Variants in RIMS1 observed in about 807,000 individuals in gnomAD.
RIMS1 encodes regulating synaptic membrane exocytosis 1, also known as regulating synaptic membrane exocytosis protein 1.
Under a neutral mutation model 214.1 loss-of-function variants are expected in RIMS1, and 83 were observed. The ratio of observed to expected loss-of-function variants is 0.39; its 90% CI spans 0.32 to 0.47. The LOEUF is 0.47. Among genes scored for constraint, RIMS1 ranks in the 20% least tolerant of loss-of-function variants. The probability of loss-of-function intolerance (pLI) is 0.99; values close to 1 mark genes in which losing one functional copy is unlikely to be tolerated. For missense variants in RIMS1, 2,050 were observed against 2,161.8 expected, an observed-to-expected ratio of 0.95 and a Z score of 1.03; for synonymous variants, 793 against 786.8, an observed-to-expected ratio of 1.01 and a Z score of -0.13.
intron 2 of RIMS1, among the ~76,000 whole-genome samples, chr6:72,074,240 G>A (rs1009185): frequency 0.012 from 1,765 of 152,208 alleles, 11 homozygotes; most frequent in Non-Finnish European, 0.018. Flanking sequence ...TACCCACAAA[G>A]CAACATTCAT....
At chr6:72,252,197 A>T (rs1215153802) in intron 15 of RIMS1, among the ~76,000 whole-genome samples, 2 of 152,218 alleles carry the variant, frequency 1.3e-5, no homozygotes, top group African/African-American at 4.8e-5. Flanking sequence ...GTAATCTGGA[A>T]CTAAATTATT....
chr6:72,108,526 T>A (rs920970175), intron 4 of RIMS1, among the ~76,000 whole-genome samples: 4 of 152,154 alleles, frequency 2.6e-5, no homozygotes, highest in South Asian at 2.1e-4. Context: ...CCTTATTTTT[T>A]ATTTAAACTT....
chr6:72,134,255 G>GA (rs916115039), intron 4 of RIMS1, among the ~76,000 whole-genome samples: 1 of 151,686 alleles, frequency 6.6e-6, no homozygotes, highest in African/African-American at 2.4e-5. Context: ...CCTTCATACA[G>GA]AAAAAATACA....
intron 4 of RIMS1, among the ~76,000 whole-genome samples, chr6:72,166,245 G>C (rs138177798): frequency 1.7e-4 from 26 of 150,678 alleles, no homozygotes; most frequent in Admixed American, 1.7e-3. Flanking sequence ...GTGAGAGAGA[G>C]AGAGACAGAG....
intron 29 of RIMS1, among the ~76,000 whole-genome samples, chr6:72,375,219 T>G (rs1564651416): frequency 6.6e-6 from 1 of 152,208 alleles, no homozygotes; most frequent in East Asian, 1.9e-4. Context: ...CTCACTCTCA[T>G]GAGCTCTTTG....
At chr6:72,157,311 G>A (rs1287241168) in intron 4 of RIMS1, among the ~76,000 whole-genome samples, 1 of 140,518 alleles carries the variant, frequency 7.1e-6, no homozygotes, top group East Asian at 2.0e-4. Context: ...ATATGTGTCA[G>A]TGAGATCAAA....
intron 2 of RIMS1, among the ~76,000 whole-genome samples, chr6:72,094,171 T>C (rs992224154): frequency 6.6e-6 from 1 of 152,178 alleles, no homozygotes; most frequent in African/African-American, 2.4e-5. Context: ...AAATTTTCCA[T>C]TCAGCAAATA....
chr6:72,102,076 A>G (rs918166516), intron 4 of RIMS1, among the ~76,000 whole-genome samples: 2 of 151,926 alleles, frequency 1.3e-5, no homozygotes, highest in Non-Finnish European at 2.9e-5. Flanking sequence ...GCCAGTTTAA[A>G]TTACTTTTAT....
intron 28 of RIMS1, chr6:72,317,011 T>G: frequency 2.2e-6 from 1 of 448,470 alleles, no homozygotes; most frequent in Non-Finnish European, 4.4e-6. Flanking sequence ...AGCCTCCCCC[T>G]CCATTCTTAT....
intron 4 of RIMS1, among the ~76,000 whole-genome samples, chr6:72,125,546 C>A (rs373374272): frequency 1.3e-5 from 2 of 152,222 alleles, no homozygotes; most frequent in African/African-American, 4.8e-5. Flanking sequence ...TTTAAGTCTG[C>A]AGAAGTTTCT....
intron 2 of RIMS1, among the ~76,000 whole-genome samples, chr6:71,972,757 C>T (rs1417315905): frequency 6.6e-6 from 1 of 152,058 alleles, no homozygotes. Context: ...AGAGTTTCTT[C>T]TCAAGTTGGG....
At chr6:72,018,555 T>C (rs1328080188) in intron 2 of RIMS1, among the ~76,000 whole-genome samples, 1 of 152,170 alleles carries the variant, frequency 6.6e-6, no homozygotes, top group Non-Finnish European at 1.5e-5. Context: ...TGGATAAATA[T>C]ACTGAGAGTT....
At chr6:72,213,070 T>C in intron 6 of RIMS1, 1 of 1,535,530 alleles carries the variant, frequency 6.5e-7, no homozygotes, top group South Asian at 1.2e-5. Context: ...GAGAGTGGTT[T>C]AAACAGCAAG....
intron 22 of RIMS1, among the ~76,000 whole-genome samples, chr6:72,271,269 G>GGA (rs1230678425): frequency 1.7e-4 from 9 of 52,788 alleles, no homozygotes; most frequent in African/African-American, 5.0e-4. Flanking sequence ...CCATCTCAAG[G>GGA]AAAAAAAAAA....
chr6:72,096,572 T>G (rs368432712), intron 2 of RIMS1, among the ~76,000 whole-genome samples: 2 of 152,232 alleles, frequency 1.3e-5, no homozygotes, highest in African/African-American at 4.8e-5. Flanking sequence ...AAATATTTTG[T>G]GTAATTTTTG....
At chr6:72,011,034 CA>C (rs2151854641) in intron 2 of RIMS1, among the ~76,000 whole-genome samples, 1 of 151,266 alleles carries the variant, frequency 6.6e-6, no homozygotes, top group Non-Finnish European at 1.5e-5. Context: ...AATCCTTAGC[CA>C]AAAGAACAAA....
At chr6:71,935,636 T>C (rs1784220572) in intron 1 of RIMS1, among the ~76,000 whole-genome samples, 1 of 152,178 alleles carries the variant, frequency 6.6e-6, no homozygotes, top group South Asian at 2.1e-4. Flanking sequence ...TCTCTTCCTA[T>C]TTATTGCTCT....
chr6:72,329,135 G>A (rs1306351771), intron 28 of RIMS1, among the ~76,000 whole-genome samples: 1 of 151,902 alleles, frequency 6.6e-6, no homozygotes, highest in Non-Finnish European at 1.5e-5. Flanking sequence ...TAGAAGCCAG[G>A]AAAAGGCATC....
At chr6:72,026,432 A>G (rs901493817) in intron 2 of RIMS1, among the ~76,000 whole-genome samples, 3 of 147,944 alleles carry the variant, frequency 2.0e-5, no homozygotes, top group African/African-American at 7.4e-5. Flanking sequence ...TCTGTGCCTA[A>G]TGTATTCTTC....
Sources: allele counts gnomAD v4.1 joint callset (sites outside exome capture counted in the v4.1 genomes callset), GRCh38; gene constraint gnomAD v4.1.1; transcripts MANE v1.5; gene names NCBI Gene and HGNC (gene_info 2026-07-23, HGNC 2026-07-21).